The following CDHR3 variants were observed in gnomAD, a reference collection of about 807,000 sequenced individuals.
The protein encoded by CDHR3 is cadherin-related family member 3.
Under a neutral mutation model 86.6 loss-of-function variants are expected in CDHR3, and 79 were observed. The ratio of observed to expected loss-of-function variants is 0.91; its 90% CI spans 0.76 to 1.10. The LOEUF is 1.10. Ranked by LOEUF, CDHR3 falls within the 50% of genes least tolerant of loss-of-function variation. The probability of loss-of-function intolerance (pLI) is 0.00; values close to 1 mark genes in which losing one functional copy is unlikely to be tolerated. For synonymous variants in CDHR3, 421 were observed against 402.4 expected, an observed-to-expected ratio of 1.05 and a Z score of -0.55; for missense variants, 1,081 against 1,077.6, an observed-to-expected ratio of 1.00 and a Z score of -0.04.
At chr7:105,987,854 T>C (rs1419204012) in intron 4 of CDHR3, among the ~76,000 whole-genome samples, 1 of 152,204 alleles carries the variant, frequency 6.6e-6, no homozygotes, top group African/African-American at 2.4e-5. Flanking sequence ...TTGGCAAATA[T>C]CTTAGGCAAT....
chr7:106,022,585 T>G, intron 14 of CDHR3, 137 bp downstream of exon 14: 1 of 1,269,914 alleles, frequency 7.9e-7, no homozygotes, highest in Non-Finnish European at 1.1e-6. Context: ...ATGGCAACCA[T>G]GGGCTGGACT....
At chr7:105,994,725 A>T in intron 4 of CDHR3, 26 bp from the exon 5 acceptor site, 2 of 1,537,742 alleles carry the variant, frequency 1.3e-6, no homozygotes, top group Non-Finnish European at 1.8e-6. Flanking sequence ...GGCTGATTTC[A>T]TCAATTTTTT....
chr7:105,963,782 G>A (rs1159346249), intron 1 of CDHR3, among the ~76,000 whole-genome samples: 3 of 152,154 alleles, frequency 2.0e-5, no homozygotes, highest in Non-Finnish European at 4.4e-5. Context: ...AGGAAAGTGA[G>A]TTACTGAGGG....
intron 1 of CDHR3, among the ~76,000 whole-genome samples, chr7:105,965,567 A>ACAC (rs1554507726): frequency 2.6e-5 from 2 of 78,194 alleles, no homozygotes; most frequent in Admixed American, 1.6e-4. Context: ...CTCAAGCCCC[A>ACAC]CCCCCCCCCA....
At chr7:105,969,089 A>AAATAAG (rs1418289693) in intron 1 of CDHR3, among the ~76,000 whole-genome samples, 1 of 124,436 alleles carries the variant, frequency 8.0e-6, no homozygotes, top group Admixed American at 8.1e-5. Context: ...CTCCGTCTCA[A>AAATAAG]AATAAAAATA....
chr7:105,969,737 T>G (rs184075457), intron 1 of CDHR3, among the ~76,000 whole-genome samples: 44 of 152,334 alleles, frequency 2.9e-4, no homozygotes, highest in African/African-American at 1.0e-3. Flanking sequence ...TCTGTGGATC[T>G]CCTGCTGAGG....
At chr7:105,975,834 A>C (rs1828715261) in intron 2 of CDHR3, among the ~76,000 whole-genome samples, 1 of 152,174 alleles carries the variant, frequency 6.6e-6, no homozygotes, top group South Asian at 2.1e-4. Context: ...CCATTGGTCC[A>C]ACCTGCCATT....
chr7:105,964,361 T>A (rs1475594041), intron 1 of CDHR3, among the ~76,000 whole-genome samples: 2 of 152,208 alleles, frequency 1.3e-5, no homozygotes, highest in African/African-American at 4.8e-5. Flanking sequence ...ATCTTATTAT[T>A]TGGCATGGTT....
At chr7:106,012,664 T>A (rs936408581) in intron 8 of CDHR3, among the ~76,000 whole-genome samples, 196 bp from the exon 9 acceptor site, 1 of 152,182 alleles carries the variant, frequency 6.6e-6, no homozygotes, top group African/African-American at 2.4e-5. Flanking sequence ...GCAGGATCCC[T>A]CTGGCCGCTG....
chr7:106,028,237 C>T (rs73195673), intron 16 of CDHR3, among the ~76,000 whole-genome samples: 13 of 151,912 alleles, frequency 8.6e-5, no homozygotes, highest in African/African-American at 2.9e-4. Context: ...TATCCAATCC[C>T]ATCTTTCTTT....
intron 15 of CDHR3, among the ~76,000 whole-genome samples, chr7:106,025,976 T>A (rs1212055461): frequency 2.0e-5 from 3 of 152,230 alleles, no homozygotes; most frequent in Non-Finnish European, 2.9e-5. Context: ...CAATAGACAC[T>A]GCAACTCTCA....
chr7:105,978,320 G>A (rs1829134470), intron 2 of CDHR3, among the ~76,000 whole-genome samples: 5 of 152,154 alleles, frequency 3.3e-5, no homozygotes, highest in Admixed American at 3.3e-4. Context: ...GGAGAGAGGG[G>A]CTCTCTGAAG....
chr7:105,983,624 C>T (rs1027134740), intron 3 of CDHR3, among the ~76,000 whole-genome samples: 7 of 152,138 alleles, frequency 4.6e-5, no homozygotes, highest in Non-Finnish European at 8.8e-5. Flanking sequence ...GCTCCTCCCT[C>T]CTCCCCCATC....
chr7:106,028,702 T>C, intron 17 of CDHR3, 120 bp downstream of exon 17: 1 of 1,065,256 alleles, frequency 9.4e-7, no homozygotes, highest in Non-Finnish European at 1.4e-6. Context: ...GAGGTGCTTG[T>C]GTTTGGCTAC....
intron 8 of CDHR3, among the ~76,000 whole-genome samples, chr7:106,007,949 G>A (rs1290353607): frequency 6.6e-5 from 10 of 152,170 alleles, no homozygotes. Context: ...ACAGTTCCAC[G>A]TGGCTGGGGA....
At chr7:105,982,098 C>T (rs1343359439) in intron 3 of CDHR3, among the ~76,000 whole-genome samples, 4 of 152,254 alleles carry the variant, frequency 2.6e-5, no homozygotes, top group Middle Eastern at 3.4e-3. Flanking sequence ...CCTATTAAAA[C>T]GTCAGTTAAA....
At chr7:106,007,471 A>G (rs1429500638) in intron 8 of CDHR3, among the ~76,000 whole-genome samples, 1 of 152,224 alleles carries the variant, frequency 6.6e-6, no homozygotes, top group Non-Finnish European at 1.5e-5. Context: ...CACATCTTGA[A>G]TGCTTTGCTG....
chr7:106,020,050 G>T (rs448025), intron 12 of CDHR3, among the ~76,000 whole-genome samples: 120,929 of 145,230 alleles, frequency 0.83, 48,378 homozygotes, highest in East Asian at 0.93. Context: ...TGTGTGTGTG[G>T]GGGGGGGGCA....
intron 11 of CDHR3, among the ~76,000 whole-genome samples, chr7:106,017,367 G>A (rs139244016): frequency 0.02 from 3,051 of 152,134 alleles, 92 homozygotes; most frequent in African/African-American, 0.069. Flanking sequence ...AACCAGCCTG[G>A]CCGACATGGT....
Sources: gnomAD v4.1 joint callset for allele counts (sites outside exome capture counted in the v4.1 genomes callset) on GRCh38, gnomAD v4.1.1 for gene constraint, MANE v1.5 for transcripts, NCBI Gene and HGNC (gene_info 2026-07-23, HGNC 2026-07-21) for gene names.